Variants in GALNTL6 observed in about 807,000 individuals in gnomAD.
GALNTL6 encodes polypeptide N-acetylgalactosaminyltransferase-like 6.
A neutral mutation model predicts 73.7 loss-of-function variants in GALNTL6; 46 were observed. The ratio of observed to expected loss-of-function variants is 0.62; its 90% CI spans 0.49 to 0.80. GALNTL6 has a LOEUF of 0.80. Ranked by LOEUF, GALNTL6 falls within the 30% of genes least tolerant of loss-of-function variation. GALNTL6 has a pLI of 0.00. For synonymous variants in GALNTL6, 259 were observed against 263.7 expected, an observed-to-expected ratio of 0.98 and a Z score of 0.17; for missense variants, 604 against 755.0, an observed-to-expected ratio of 0.80 and a Z score of 2.34.
intron 9 of GALNTL6, among the ~76,000 whole-genome samples, chr4:172,935,297 CTGTA>C (rs1398922338): frequency 6.6e-6 from 1 of 152,168 alleles, no homozygotes; most frequent in African/African-American, 2.4e-5. Flanking sequence ...CTGTATACTG[CTGTA>C]TTTCACCTCT....
intron 5 of GALNTL6, among the ~76,000 whole-genome samples, chr4:172,359,273 A>G (rs991091313): frequency 9.2e-5 from 14 of 152,204 alleles, no homozygotes; most frequent in Non-Finnish European, 1.8e-4. Context: ...TGGCAGACTA[A>G]CATAGGAATA....
chr4:172,949,590 T>A lies in GALNTL6; in HGVS notation c.1150-2447T>A, dbSNP rs887305016. Among the ~76,000 whole-genome samples, 822 of 139,796 alleles carry A rather than the reference T, an allele frequency of 5.9e-3. 10 individuals are homozygous for A. The highest frequency in any genetic ancestry group is 0.019 in the African/African-American group (774 of 40,492). The allele number at this position is 139,796 out of a possible 152,430, so 91.7% of individuals were successfully genotyped here. A position where few individuals can be genotyped will look rare whatever the true frequency, so the allele number is the denominator to read the frequency against. On this transcript the variant is annotated intron_variant, in intron 9 of 12. Coordinates refer to ENST00000506823, the MANE Select transcript of GALNTL6 (RefSeq NM_001034845.3). ...ATAAAGTTTTAATATTATCAACTAG[T>A]TTTTTTTTATTCTAATCCTCATTAA...
At chr4:172,907,165 G>C (rs572828688) in intron 8 of GALNTL6, among the ~76,000 whole-genome samples, 1 of 149,714 alleles carries the variant, frequency 6.7e-6, no homozygotes, top group African/African-American at 2.4e-5. Context: ...AACCCCATTA[G>C]TTTTTTCCAA....
intron 2 of GALNTL6, among the ~76,000 whole-genome samples, chr4:171,854,468 CT>C (rs551483215): frequency 3.1e-4 from 47 of 152,316 alleles, no homozygotes; most frequent in African/African-American, 1.1e-3. Flanking sequence ...CTGCTATTTG[CT>C]TGTGGACTCC....
chr4:172,989,831 A>G (rs1467696658), intron 10 of GALNTL6, among the ~76,000 whole-genome samples: 1 of 152,220 alleles, frequency 6.6e-6, no homozygotes, highest in Non-Finnish European at 1.5e-5. Context: ...GTATTTCTTT[A>G]TAGCAGTGCA....
At chr4:172,611,095 T>C (rs1738510629) in intron 5 of GALNTL6, among the ~76,000 whole-genome samples, 2 of 152,086 alleles carry the variant, frequency 1.3e-5, no homozygotes, top group South Asian at 4.1e-4. Context: ...GCTAGGACTA[T>C]TGAAAACAGC....
chr4:172,623,225 G>A lies in GALNTL6; in HGVS notation c.554-186136G>A, dbSNP rs114089618. On this transcript the variant is annotated intron_variant, in intron 5 of 12. Transcript: ENST00000506823. The stretch of plus-strand genomic sequence containing the variant: ...TGAGCTATGAAGATAAATACCCGAA[G>A]AATCAACTAAAAAAGTTAAAAAGGA... Among the ~76,000 whole-genome samples, 468 of 152,138 alleles carry A rather than the reference G, an allele frequency of 3.1e-3. 1 individual carries two copies. Among genetic ancestry groups the A allele is most frequent in the Middle Eastern group, 0.014 (4 of 292 alleles).
chr4:172,709,115 T>A (rs956427023), intron 5 of GALNTL6, among the ~76,000 whole-genome samples: 2 of 152,210 alleles, frequency 1.3e-5, no homozygotes, highest in Admixed American at 6.5e-5. Flanking sequence ...TTGCGCACCC[T>A]ACTCAAAAGA....
intron 2 of GALNTL6, among the ~76,000 whole-genome samples, chr4:171,968,099 C>T (rs746073216): frequency 2.0e-5 from 3 of 152,130 alleles, no homozygotes; most frequent in Non-Finnish European, 4.4e-5. Flanking sequence ...TCTTCTTCTG[C>T]CTGTTATCTT....
At chr4:172,006,639 G>T (rs960738740) in intron 2 of GALNTL6, among the ~76,000 whole-genome samples, 2 of 151,702 alleles carry the variant, frequency 1.3e-5, no homozygotes, top group African/African-American at 4.8e-5. Context: ...GAAAAGAAAA[G>T]AAAAGAAAAA....
intron 5 of GALNTL6, among the ~76,000 whole-genome samples, chr4:172,706,555 A>C (rs997285362): frequency 3.9e-5 from 6 of 151,944 alleles, no homozygotes; most frequent in African/African-American, 1.5e-4. Flanking sequence ...AGAATTATTT[A>C]TTCTAGTCTT....
At chr4:171,867,309 G>T (rs1187650141) in intron 2 of GALNTL6, among the ~76,000 whole-genome samples, 1 of 151,978 alleles carries the variant, frequency 6.6e-6, no homozygotes, top group African/African-American at 2.4e-5. Context: ...GGCCCTAAAG[G>T]TCATCTTGTA....
intron 2 of GALNTL6, among the ~76,000 whole-genome samples, chr4:171,883,845 C>T (rs1297870600): frequency 1.3e-5 from 2 of 151,900 alleles, no homozygotes; most frequent in African/African-American, 4.8e-5. Flanking sequence ...GATGGGGTTT[C>T]TCCGTGTTGG....
chr4:171,840,862 C>T (rs1448621962), intron 2 of GALNTL6, among the ~76,000 whole-genome samples: 1 of 152,142 alleles, frequency 6.6e-6, no homozygotes. Flanking sequence ...GCCCCATTCT[C>T]CCCCATTGGA....
chr4:172,200,518 G>C (rs1446155849), intron 2 of GALNTL6, among the ~76,000 whole-genome samples: 3 of 152,116 alleles, frequency 2.0e-5, no homozygotes, highest in Admixed American at 6.6e-5. Context: ...AGAAAATATT[G>C]CCTGCATAAT....
At chr4:172,380,895 AT>A (rs1467802940) in intron 5 of GALNTL6, among the ~76,000 whole-genome samples, 1 of 152,212 alleles carries the variant, frequency 6.6e-6, no homozygotes, top group Non-Finnish European at 1.5e-5. Context: ...GATAATGAGA[AT>A]AAATTTTGTA....
chr4:172,275,314 G>A (rs1238422698), intron 3 of GALNTL6, among the ~76,000 whole-genome samples: 2 of 152,192 alleles, frequency 1.3e-5, no homozygotes, highest in Non-Finnish European at 2.9e-5. Context: ...GTGGTATCAT[G>A]TAGGTAAATA....
intron 2 of GALNTL6, among the ~76,000 whole-genome samples, chr4:172,106,473 T>C (rs949868235): frequency 6.6e-6 from 1 of 152,160 alleles, no homozygotes; most frequent in African/African-American, 2.4e-5. Context: ...TCCTAGGTAA[T>C]AGATACTTTT....
intron 2 of GALNTL6, among the ~76,000 whole-genome samples, chr4:172,071,118 TA>T (rs1238072502): frequency 5.6e-5 from 6 of 106,322 alleles, no homozygotes; most frequent in East Asian, 4.3e-4. Context: ...TGTACTATAG[TA>T]AAAAAAAAGA....
Sources: allele counts gnomAD v4.1 joint callset (sites outside exome capture counted in the v4.1 genomes callset), GRCh38; gene constraint gnomAD v4.1.1; transcripts MANE v1.5; gene names NCBI Gene and HGNC (gene_info 2026-07-23, HGNC 2026-07-21).